The following PSMD4 variants were observed in gnomAD, a reference collection of about 807,000 sequenced individuals.
PSMD4 encodes 26S proteasome non-ATPase regulatory subunit 4.
Under a neutral mutation model 39.7 loss-of-function variants are expected in PSMD4, and 5 were observed. That is an observed-to-expected ratio of 0.13 (90% CI 0.07 to 0.26). The LOEUF (loss-of-function observed/expected upper bound fraction) is 0.26. Among genes scored for constraint, PSMD4 ranks in the 10% least tolerant of loss-of-function variants. The probability of loss-of-function intolerance (pLI) is 1.00; values close to 1 mark genes in which losing one functional copy is unlikely to be tolerated. For synonymous variants in PSMD4, 143 were observed against 174.6 expected (o/e 0.82, Z 1.43); for missense variants, 272 against 486.1 (o/e 0.56, Z 4.14).
intron 2 of PSMD4, 28 bp downstream of exon 2, chr1:151,262,329 C>T (rs1402978661): frequency 1.9e-6 from 3 of 1,613,804 alleles, no homozygotes; most frequent in African/African-American, 1.3e-5. Flanking sequence ...GGAGGGGACT[C>T]AGTAGGTGGG....
At chr1:151,266,995 T>C (rs1272588302) in intron 9 of PSMD4, 178 bp from the exon 10 acceptor site, 2 of 787,926 alleles carry the variant, frequency 2.5e-6, no homozygotes, top group East Asian at 5.0e-5. Flanking sequence ...AATAACTGCA[T>C]TCATGCTGTA....
chr1:151,258,451 GTTT>G (rs869128528), intron 1 of PSMD4, among the ~76,000 whole-genome samples: 2 of 99,584 alleles, frequency 2.0e-5, no homozygotes, highest in African/African-American at 8.5e-5. Context: ...CTTTTCGAGT[GTTT>G]TTTTTTTTTT....
At chr1:151,254,950 T>C in intron 1 of PSMD4, 142 bp downstream of exon 1, 1 of 1,060,986 alleles carries the variant, frequency 9.4e-7, no homozygotes, top group Non-Finnish European at 1.3e-6. Context: ...CCCGCTGGAC[T>C]CCCTGAGTCA....
In PSMD4 at chr1:151,266,096, T is replaced by C; in HGVS notation, c.747T>C (p.Ala249=). 1 of 1,606,050 alleles carries C rather than the reference T, an allele frequency of 6.2e-7. No homozygotes were observed. Among genetic ancestry groups the C allele is most frequent in the Middle Eastern group, 1.7e-4 (1 of 5,970 alleles). The change falls in exon 7 of 10, where the codon GCT becomes GCC. Residue 249 remains alanine (A), a synonymous_variant. Coordinates refer to ENST00000368884, the MANE Select transcript of PSMD4 (RefSeq NM_002810.4). ...AAASAAEAGI[A]TTGTEDSDDA... ...CTTCTGCTGCTGAGGCCGGGATTGC[T>C]ACGACTGGGACTGAAGGTGAAAGAG...
At chr1:151,262,954 C>T (rs2101838794) in intron 2 of PSMD4, 1 of 153,216 alleles carries the variant, frequency 6.5e-6, no homozygotes, top group East Asian at 1.9e-4. Flanking sequence ...GCCTCCCACT[C>T]CAGTGTACAT....
chr1:151,256,353 A>T (rs1315335927), intron 1 of PSMD4, among the ~76,000 whole-genome samples: 14,521 of 116,198 alleles, frequency 0.12, 1,380 homozygotes, highest in Non-Finnish European at 0.16. Context: ...CAAAAAAAAA[A>T]AAATAATAAT....
In PSMD4 at chr1:151,258,451, GT is replaced by G. The variant is rs869128528; in HGVS notation, c.26+3666del. 3.0e-3 allele frequency among the ~76,000 whole-genome samples: 299 copies of G among 99,582 alleles called. 2 individuals carry two copies. The highest frequency in any genetic ancestry group is 0.01 in the African/African-American group (248 of 23,684). The allele number at this position is 99,582 out of a possible 152,430, so 65.3% of individuals were successfully genotyped here. A position where few individuals can be genotyped will look rare whatever the true frequency, so the allele number is the denominator to read the frequency against. On this transcript the variant is annotated intron_variant, in intron 1 of 9. Transcript: ENST00000368884. Reference sequence around the variant, plus strand: ...TGCCATTGTATTACCCTTTTCGAGTGTTTTTTTTTTTTTTTTTTTTTTTGGG... The same window carrying G: ...TGCCATTGTATTACCCTTTTCGAGTGTTTTTTTTTTTTTTTTTTTTTTGGG...
intron 2 of PSMD4, 98 bp downstream of exon 2, chr1:151,262,399 C>G: frequency 7.0e-7 from 1 of 1,435,928 alleles, no homozygotes; most frequent in Non-Finnish European, 9.8e-7. Context: ...CATCACCTTC[C>G]TAGACTGCCT....
intron 1 of PSMD4, 46 bp downstream of exon 1, chr1:151,254,854 C>T: frequency 7.1e-7 from 1 of 1,402,010 alleles, no homozygotes; most frequent in Non-Finnish European, 9.3e-7. Context: ...GGGTTCCGGG[C>T]GCGTGTAGCG....
chr1:151,255,486 A>C (rs1693144303), intron 1 of PSMD4, among the ~76,000 whole-genome samples: 1 of 152,218 alleles, frequency 6.6e-6, no homozygotes, highest in South Asian at 2.1e-4. Context: ...TGTCAGTTTC[A>C]GGCTTGGGCT....
chr1:151,256,923 G>A (rs1400719778), intron 1 of PSMD4, among the ~76,000 whole-genome samples: 1 of 151,116 alleles, frequency 6.6e-6, no homozygotes, highest in Non-Finnish European at 1.5e-5. Flanking sequence ...CTAATTTTGT[G>A]TTTTTAGTAG....
intron 1 of PSMD4, among the ~76,000 whole-genome samples, chr1:151,259,418 T>C (rs1272154681): frequency 6.6e-6 from 1 of 152,224 alleles, no homozygotes; most frequent in African/African-American, 2.4e-5. Context: ...TTGGGGCATT[T>C]CGGATCTCAA....
rs767490867 is a variant in PSMD4 at position 151,260,647 on chromosome 1, TGCCTCA to T, written c.27-1510_27-1505del. On this transcript the variant is annotated intron_variant, in intron 1 of 9. Coordinates refer to ENST00000368884, the MANE Select transcript of PSMD4 (RefSeq NM_002810.4). ...ACCTCTCAGGTTCAGGTGATTCTCC[TGCCTCA>T]GCCACCCGAATAGCTGGGATTACAG... is the stretch of plus-strand genomic sequence containing the variant. 7.2e-5 allele frequency among the ~76,000 whole-genome samples: 11 copies of T among 152,228 alleles called. No individual in the cohort carries two copies. In the South Asian group the frequency reaches 1.5e-3, roughly 20 times the overall value.
rs1270078660 is a variant in PSMD4 at position 151,266,435 on chromosome 1, A to G, written c.891A>G (p.Gly297=). 1 of 1,614,188 alleles carries G rather than the reference A, an allele frequency of 6.2e-7. No individual in the cohort carries two copies. The highest frequency in any genetic ancestry group is 1.1e-5 in the South Asian group (1 of 91,082). The change falls in exon 8 of 10, where the codon GGA becomes GGG. Residue 297 remains glycine (G), a synonymous_variant. Coordinates refer to ENST00000368884, the MANE Select transcript of PSMD4 (RefSeq NM_002810.4). ...IAYAMQMSLQ[G]AEFGQAESAD... The stretch of plus-strand genomic sequence containing the variant: ...ATGCCATGCAGATGTCCCTGCAGGG[A>G]GCAGGTGAGCCAGAGCCTGGGTGGT...
At chr1:151,265,640 A>G in intron 6 of PSMD4, 31 bp downstream of exon 6, 1 of 1,601,584 alleles carries the variant, frequency 6.2e-7, no homozygotes, top group Non-Finnish European at 8.6e-7. Context: ...GGTAGAGTCC[A>G]AAGGTCCCTC....
At chr1:151,264,059 C>A in intron 3 of PSMD4, 31 bp downstream of exon 3, 1 of 1,467,870 alleles carries the variant, frequency 6.8e-7, no homozygotes, top group Non-Finnish European at 9.4e-7. Context: ...TGGACCTTTC[C>A]TCCCTGCTCT....
At chr1:151,264,966 C>T (rs1216808861) in intron 4 of PSMD4, 48 bp downstream of exon 4, 1 of 1,527,700 alleles carries the variant, frequency 6.5e-7, no homozygotes, top group Non-Finnish European at 9.0e-7. Flanking sequence ...ATGTTTGGGA[C>T]TGAGGTCTTC....
At position 151,262,176 on chromosome 1, in the gene PSMD4, G is replaced by A. The variant is rs767373095; in HGVS notation, c.42G>A (p.Glu14=). The change falls in exon 2 of 10, where the codon GAG becomes GAA. Residue 14 remains glutamate (E), a synonymous_variant. Coordinates refer to ENST00000368884, the MANE Select transcript of PSMD4 (RefSeq NM_002810.4). ...AATCTGACAGTGTGGACAACAGTGA[G>A]TATATGCGGAATGGAGACTTCTTAC... is the stretch of plus-strand genomic sequence containing the variant. ...ESTMVCVDNS[E]YMRNGDFLPT... is the part of the protein sequence containing the mutation. 6.2e-7 allele frequency: 1 copy of A among 1,614,154 alleles called. No individual in the cohort carries two copies. Among genetic ancestry groups the A allele is most frequent in the South Asian group, 1.1e-5 (1 of 91,080 alleles).
chr1:151,265,028 G>GGT (rs1218609866), intron 4 of PSMD4, 110 bp downstream of exon 4: 15 of 1,323,006 alleles, frequency 1.1e-5, no homozygotes, highest in Non-Finnish European at 1.6e-5. Context: ...TTTGGGGAAA[G>GGT]GTGAATGTGG....
Sources: gnomAD v4.1 joint callset for allele counts (sites outside exome capture counted in the v4.1 genomes callset) on GRCh38, gnomAD v4.1.1 for gene constraint, MANE v1.5 for transcripts, NCBI Gene and HGNC (gene_info 2026-07-23, HGNC 2026-07-21) for gene names.